Variants in CALN1 observed in about 807,000 individuals in gnomAD.
CALN1 encodes the protein calcium-binding protein 8.
Under a neutral mutation model 30.6 loss-of-function variants are expected in CALN1, and 17 were observed. The observed-to-expected ratio is 0.56, with a 90% CI of 0.38 to 0.83. The LOEUF (loss-of-function observed/expected upper bound fraction) is 0.83, where lower values mean the gene tolerates loss of function less well. Ranked by LOEUF, CALN1 falls within the 40% of genes least tolerant of loss-of-function variation. CALN1 has a pLI of 0.00. For synonymous variants in CALN1, 156 were observed against 131.4 expected, an observed-to-expected ratio of 1.19 and a Z score of -1.28; for missense variants, 291 against 354.9, an observed-to-expected ratio of 0.82 and a Z score of 1.45.
intron 4 of CALN1, among the ~76,000 whole-genome samples, chr7:72,048,585 T>G (rs1450254358): frequency 1.3e-5 from 2 of 152,162 alleles, no homozygotes; most frequent in African/African-American, 2.4e-5. Flanking sequence ...TTACTTAAAA[T>G]AGCATATTAG....
intron 3 of CALN1, among the ~76,000 whole-genome samples, chr7:72,202,387 T>C (rs1388504546): frequency 6.6e-6 from 1 of 151,882 alleles, no homozygotes; most frequent in Non-Finnish European, 1.5e-5. Flanking sequence ...AACAACAAAC[T>C]AATGAAAAAA....
At chr7:71,825,753 C>CTGGG (rs1788870168) in intron 5 of CALN1, among the ~76,000 whole-genome samples, 1 of 152,048 alleles carries the variant, frequency 6.6e-6, no homozygotes, top group Non-Finnish European at 1.5e-5. Flanking sequence ...GAAAGCAGGG[C>CTGGG]TGGGCATGGT....
intron 5 of CALN1, among the ~76,000 whole-genome samples, chr7:71,863,132 C>A (rs11763822): frequency 0.17 from 26,175 of 151,644 alleles, 2,723 homozygotes; most frequent in Non-Finnish European, 0.23. Flanking sequence ...TAGTGGTAAA[C>A]ACCTGTGTCC....
At chr7:72,195,446 G>T (rs988564553) in intron 3 of CALN1, among the ~76,000 whole-genome samples, 10 of 152,292 alleles carry the variant, frequency 6.6e-5, no homozygotes, top group Non-Finnish European at 1.2e-4. Flanking sequence ...GATGCAAGTA[G>T]CTCACTGCAG....
chr7:72,474,686 A>C, the CALN1 span, among the ~76,000 whole-genome samples: 11 of 120,510 alleles, frequency 9.1e-5, no homozygotes, highest in East Asian at 1.2e-3. Flanking sequence ...ATCTTGTCCC[A>C]AAAAAAAAAA....
chr7:71,862,589 T>C (rs1385776259), intron 5 of CALN1, among the ~76,000 whole-genome samples: 1 of 152,168 alleles, frequency 6.6e-6, no homozygotes, highest in African/African-American at 2.4e-5. Context: ...AATTACCCAG[T>C]CTCGGGTATG....
chr7:72,193,174 T>A (rs1043873011), intron 3 of CALN1, among the ~76,000 whole-genome samples: 1 of 141,896 alleles, frequency 7.0e-6, no homozygotes, highest in Non-Finnish European at 1.6e-5. Flanking sequence ...GGTGACAGAG[T>A]GAGACTCCAT....
intron 2 of CALN1, among the ~76,000 whole-genome samples, chr7:72,305,565 G>C (rs974705054): frequency 6.6e-6 from 1 of 152,140 alleles, no homozygotes; most frequent in Non-Finnish European, 1.5e-5. Flanking sequence ...AAGTTTGAGA[G>C]AATCCTGCTG....
chr7:72,461,991 G>A, the CALN1 span, among the ~76,000 whole-genome samples: 82 of 151,426 alleles, frequency 5.4e-4, no homozygotes, highest in African/African-American at 1.8e-3. Context: ...CTGGGTGACA[G>A]AGACAGACTT....
At chr7:72,299,463 C>CAGGGTTTACGTAAAACAAA (rs1554358603) in intron 2 of CALN1, among the ~76,000 whole-genome samples, 1 of 151,990 alleles carries the variant, frequency 6.6e-6, no homozygotes, top group Admixed American at 6.6e-5. Flanking sequence ...AGTTAAGAGG[C>CAGGGTTTACGTAAAACAAA]AGAAATTACA....
chr7:72,301,417 A>G (rs1470783319), intron 2 of CALN1, among the ~76,000 whole-genome samples: 1 of 151,732 alleles, frequency 6.6e-6, no homozygotes, highest in Non-Finnish European at 1.5e-5. Context: ...AGACCAGCCT[A>G]GCCAACATGG....
intron 4 of CALN1, among the ~76,000 whole-genome samples, chr7:72,083,685 C>G (rs1805301827): frequency 6.6e-6 from 1 of 152,138 alleles, no homozygotes; most frequent in South Asian, 2.1e-4. Flanking sequence ...CTTTGGGAGG[C>G]CGAGGCAGGC....
chr7:72,314,771 G>A (rs1271935179), intron 2 of CALN1, among the ~76,000 whole-genome samples: 1 of 151,234 alleles, frequency 6.6e-6, no homozygotes, highest in Non-Finnish European at 1.5e-5. Flanking sequence ...TCTCAGGGAT[G>A]GGGAGGAATT....
chr7:71,953,563 G>A (rs890999278), intron 5 of CALN1, among the ~76,000 whole-genome samples: 4 of 152,006 alleles, frequency 2.6e-5, no homozygotes, highest in South Asian at 2.1e-4. Context: ...GGTGTTTTCC[G>A]CATTCTAAGG....
At chr7:71,923,181 A>G (rs973352413) in intron 5 of CALN1, among the ~76,000 whole-genome samples, 1 of 152,066 alleles carries the variant, frequency 6.6e-6, no homozygotes, top group Non-Finnish European at 1.5e-5. Context: ...TTCAAAGTGG[A>G]CTTTACACCA....
chr7:71,948,903 C>T (rs1796546171), intron 5 of CALN1, among the ~76,000 whole-genome samples: 1 of 150,898 alleles, frequency 6.6e-6, no homozygotes, highest in African/African-American at 2.4e-5. Flanking sequence ...AATAGCCAGG[C>T]ATGGTAGCAT....
intron 3 of CALN1, among the ~76,000 whole-genome samples, chr7:72,271,575 A>AAAAAAAAATATATATATATATATATATAT: frequency 1.5e-4 from 8 of 52,120 alleles, no homozygotes; most frequent in South Asian, 1.2e-3. Context: ...AAAAAAAAAA[A>AAAAAAAAATATATATATATATATATATAT]ATATATATAT....
intron 4 of CALN1, among the ~76,000 whole-genome samples, chr7:72,054,546 T>TACATATATATATAC (rs1209063604): frequency 9.2e-6 from 1 of 108,354 alleles, no homozygotes; most frequent in African/African-American, 4.2e-5. Context: ...TATATATACA[T>TACATATATATATAC]ATATATATAT....
At chr7:72,201,737 T>TA (rs778266725) in intron 3 of CALN1, among the ~76,000 whole-genome samples, 5,690 of 117,790 alleles carry the variant, frequency 0.048, 412 homozygotes, top group African/African-American at 0.16. Flanking sequence ...TGAATCTGAT[T>TA]AAAAAAAAAA....
Sources: allele counts gnomAD v4.1 joint callset (sites outside exome capture counted in the v4.1 genomes callset), GRCh38; gene constraint gnomAD v4.1.1; transcripts MANE v1.5; gene names NCBI Gene and HGNC (gene_info 2026-07-23, HGNC 2026-07-21).